KCTD16: variants seen among roughly 807,000 people sequenced by gnomAD.
The protein encoded by KCTD16 is BTB/POZ domain-containing protein KCTD16.
Under a neutral mutation model 33.2 loss-of-function variants are expected in KCTD16, and 13 were observed. That is an observed-to-expected ratio of 0.39 (90% CI 0.25 to 0.62). KCTD16 has a LOEUF of 0.62. Among genes scored for constraint, KCTD16 ranks in the 20% least tolerant of loss-of-function variants. The probability of loss-of-function intolerance (pLI) is 0.50; values close to 1 mark genes in which losing one functional copy is unlikely to be tolerated. For missense variants in KCTD16, 441 were observed against 525.1 expected (o/e 0.84, Z 1.57); for synonymous variants, 197 against 195.3 (o/e 1.01, Z -0.07).
intron 3 of KCTD16, among the ~76,000 whole-genome samples, chr5:144,319,382 T>G (rs574300972): frequency 4.6e-5 from 7 of 152,342 alleles, no homozygotes; most frequent in African/African-American, 1.7e-4. Context: ...TCTATGCATC[T>G]CAAATATTAT....
At chr5:144,187,085 A>G (rs1311506326) in intron 2 of KCTD16, among the ~76,000 whole-genome samples, 3 of 152,212 alleles carry the variant, frequency 2.0e-5, no homozygotes, top group African/African-American at 7.2e-5. Flanking sequence ...ATATATACAT[A>G]AACATAAAAA....
At chr5:144,254,219 G>A (rs1754782007) in intron 3 of KCTD16, among the ~76,000 whole-genome samples, 1 of 151,944 alleles carries the variant, frequency 6.6e-6, no homozygotes, top group African/African-American at 2.4e-5. Context: ...CTCACTGGAA[G>A]CTCCACCCCC....
intron 3 of KCTD16, among the ~76,000 whole-genome samples, chr5:144,313,921 T>G (rs146366781): frequency 1.3e-3 from 193 of 152,322 alleles, no homozygotes; most frequent in African/African-American, 4.4e-3. Flanking sequence ...CTGGATTTAG[T>G]ATATATTATC....
At position 144,330,847 on chromosome 5, in the gene KCTD16, C is replaced by T. The variant is rs570515373; in HGVS notation, c.832+123301C>T. ...CGAAGCACACAGTTTTTAATCTTTC[C>T]GTATCTTTTTCTTCCCATGCTCTGC... On this transcript the variant is annotated intron_variant, in intron 3 of 3. Coordinates refer to ENST00000512467, the MANE Select transcript of KCTD16 (RefSeq NM_020768.4). 1.2e-3 allele frequency among the ~76,000 whole-genome samples: 179 copies of T among 152,118 alleles called. 1 individual carries two copies. The highest frequency in any genetic ancestry group is 2.1e-3 in the Non-Finnish European group (140 of 68,020).
chr5:144,352,591 G>T (rs187366), intron 3 of KCTD16, among the ~76,000 whole-genome samples: 38,449 of 151,992 alleles, frequency 0.25, 5,007 homozygotes, highest in Non-Finnish European at 0.28. Flanking sequence ...ATTGAACACA[G>T]TTCCTACAGA....
At chr5:144,171,700 A>G (rs186203328) in intron 1 of KCTD16, among the ~76,000 whole-genome samples, 1 of 152,328 alleles carries the variant, frequency 6.6e-6, no homozygotes, top group Admixed American at 6.5e-5. Flanking sequence ...TCTAAGTGGA[A>G]CCTGAGTGAC....
intron 3 of KCTD16, among the ~76,000 whole-genome samples, chr5:144,362,296 G>A (rs1194348083): frequency 6.6e-6 from 1 of 152,182 alleles, no homozygotes; most frequent in Non-Finnish European, 1.5e-5. Context: ...AGGAAAAAGA[G>A]AAGATAGGTG....
chr5:144,338,532 G>A (rs1192070721), intron 3 of KCTD16, among the ~76,000 whole-genome samples: 2 of 152,170 alleles, frequency 1.3e-5, no homozygotes, highest in African/African-American at 4.8e-5. Flanking sequence ...GAGGGCAGGG[G>A]TGATTATTCT....
At chr5:144,328,545 T>A (rs1024491121) in intron 3 of KCTD16, among the ~76,000 whole-genome samples, 12 of 152,076 alleles carry the variant, frequency 7.9e-5, no homozygotes, top group African/African-American at 2.7e-4. Context: ...TTGCAAGCAG[T>A]GAGTGTGTAT....
chr5:144,319,319 C>T (rs534318935), intron 3 of KCTD16, among the ~76,000 whole-genome samples: 44 of 151,890 alleles, frequency 2.9e-4, no homozygotes, highest in Admixed American at 8.5e-4. Flanking sequence ...ACTCACACAG[C>T]TAGTTGTGTG....
intron 3 of KCTD16, among the ~76,000 whole-genome samples, chr5:144,240,862 G>T (rs2112157): frequency 0.21 from 32,670 of 152,062 alleles, 4,326 homozygotes; most frequent in Non-Finnish European, 0.3. Flanking sequence ...TCTTCTCAGT[G>T]CTTCATACCA....
At position 144,370,685 on chromosome 5, in the gene KCTD16, G is replaced by A. The variant is rs370496234; in HGVS notation, c.833-102975G>A. Among the ~76,000 whole-genome samples, 23 of 152,292 alleles carry A rather than the reference G, an allele frequency of 1.5e-4. No individual in the cohort carries two copies. In the East Asian group the frequency reaches 4.1e-3, roughly 27 times the overall value. On this transcript the variant is annotated intron_variant, in intron 3 of 3. Coordinates refer to ENST00000512467, the MANE Select transcript of KCTD16 (RefSeq NM_020768.4). ...GGCATATATTTAGGGAAAAGGTGTT[G>A]CAAAGATTTTTATTTGTGGGAATAT...
chr5:144,226,599 G>T (rs1230043620), intron 3 of KCTD16, among the ~76,000 whole-genome samples: 4 of 150,780 alleles, frequency 2.7e-5, no homozygotes, highest in South Asian at 4.2e-4. Flanking sequence ...TTTTGACAGG[G>T]TCTCAGTCTA....
At chr5:144,268,030 C>T (rs1379009242) in intron 3 of KCTD16, among the ~76,000 whole-genome samples, 1 of 152,124 alleles carries the variant, frequency 6.6e-6, no homozygotes, top group African/African-American at 2.4e-5. Flanking sequence ...TTTTGAAACT[C>T]TGGAGTGTAT....
At chr5:144,402,942 TG>T (rs1752735105) in intron 3 of KCTD16, among the ~76,000 whole-genome samples, 1 of 152,252 alleles carries the variant, frequency 6.6e-6, no homozygotes, top group East Asian at 1.9e-4. Flanking sequence ...TCAACAGGGC[TG>T]ATTTTTTCTG....
intron 3 of KCTD16, among the ~76,000 whole-genome samples, chr5:144,421,295 T>C (rs1160653108): frequency 2.0e-5 from 3 of 152,126 alleles, no homozygotes; most frequent in Admixed American, 6.6e-5. Context: ...GCCCCACTTC[T>C]CTCTGCAAAA....
intron 1 of KCTD16, among the ~76,000 whole-genome samples, chr5:144,171,725 AG>A (rs766303206): frequency 1.3e-5 from 2 of 152,178 alleles, no homozygotes; most frequent in Non-Finnish European, 2.9e-5. Context: ...ACAGCAAGTG[AG>A]GGGAGCCACA....
intron 2 of KCTD16, among the ~76,000 whole-genome samples, chr5:144,196,110 A>G (rs1204479193): frequency 6.6e-6 from 1 of 152,222 alleles, no homozygotes; most frequent in East Asian, 1.9e-4. Context: ...GAATGATAAT[A>G]AGAGACATGG....
chr5:144,216,217 T>C (rs1236616510), intron 3 of KCTD16, among the ~76,000 whole-genome samples: 1 of 152,220 alleles, frequency 6.6e-6, no homozygotes, highest in South Asian at 2.1e-4. Flanking sequence ...TCACTGACAA[T>C]AGGATCATTG....
Sources: gnomAD v4.1 joint callset for allele counts (sites outside exome capture counted in the v4.1 genomes callset) on GRCh38, gnomAD v4.1.1 for gene constraint, MANE v1.5 for transcripts, NCBI Gene and HGNC (gene_info 2026-07-23, HGNC 2026-07-21) for gene names.